AGMAT: variants seen among roughly 807,000 people sequenced by gnomAD.
AGMAT encodes the protein guanidino acid hydrolase, mitochondrial.
In AGMAT, 37 loss-of-function variants were observed where a neutral mutation model predicts 29.3. The observed-to-expected ratio is 1.26, with a 90% CI of 0.97 to 1.66. The LOEUF (loss-of-function observed/expected upper bound fraction) is 1.66. Ranked by LOEUF, AGMAT falls within the 40% of genes most tolerant of loss-of-function variation. The probability of loss-of-function intolerance (pLI) is 0.00; values close to 1 mark genes in which losing one functional copy is unlikely to be tolerated. For missense variants in AGMAT, 498 were observed against 497.8 expected, an observed-to-expected ratio of 1.00 and a Z score of 0.00; for synonymous variants, 199 against 200.8, an observed-to-expected ratio of 0.99 and a Z score of 0.08.
At chr1:15,580,037 C>G (rs1639090183) in intron 3 of AGMAT, 57 bp downstream of exon 3, 2 of 1,525,570 alleles carry the variant, frequency 1.3e-6, no homozygotes, top group Admixed American at 3.3e-5. Flanking sequence ...GCAAATAACT[C>G]ATTCCCTAGC....
At chr1:15,580,495 A>G (rs1639098104) in intron 2 of AGMAT, among the ~76,000 whole-genome samples, 1 of 151,304 alleles carries the variant, frequency 6.6e-6, no homozygotes, top group African/African-American at 2.4e-5. Context: ...ATGAGCCACC[A>G]TGCCCAGCTG....
rs1184827240 is a variant in AGMAT at position 15,573,566 on chromosome 1, CTT to C, written c.*83_*84del. ...GCAGAAAGTTTTCTTGGCATAAACTCTTTAGTTCTCAGACTGCTTACTCATAA... is the reference window on the plus strand; with the variant it reads ...GCAGAAAGTTTTCTTGGCATAAACTCTAGTTCTCAGACTGCTTACTCATAA... On this transcript the variant is annotated 3_prime_UTR_variant, in exon 7 of 7. Transcript: ENST00000375826. 4 of 1,306,678 alleles carry C rather than the reference CTT, an allele frequency of 3.1e-6. No homozygotes were observed. Among genetic ancestry groups the C allele is most frequent in the Admixed American group, 1.8e-5 (1 of 57,080 alleles). 80.9% of individuals were successfully genotyped at this position (1,306,678 alleles called of 1,614,324 possible). A position where few individuals can be genotyped will look rare whatever the true frequency, so the allele number is the denominator to read the frequency against.
chr1:15,580,401 C>T lies in AGMAT; in HGVS notation c.476-259G>A, dbSNP rs372058143. 4.6e-4 allele frequency among the ~76,000 whole-genome samples: 70 copies of T among 151,806 alleles called. No homozygotes were observed. In the East Asian group the frequency reaches 0.013, roughly 27 times the overall value. ...TGTATTTTTAGTAGAGACGGAGTTTCACCATGTTGGTCAGACTGGTCTCAA... is the reference window on the plus strand; with the variant it reads ...TGTATTTTTAGTAGAGACGGAGTTTTACCATGTTGGTCAGACTGGTCTCAA... On this transcript the variant is annotated intron_variant, in intron 2 of 6. Coordinates refer to ENST00000375826, the MANE Select transcript of AGMAT (RefSeq NM_024758.5).
chr1:15,583,538 C>G, intron 1 of AGMAT, 143 bp from the exon 2 acceptor site: 1 of 803,862 alleles, frequency 1.2e-6, no homozygotes, highest in Non-Finnish European at 1.9e-6. Context: ...AGCAGCATCC[C>G]GGCCTGTACT....
In AGMAT at chr1:15,573,479, T is replaced by C; in HGVS notation, c.*172A>G. 1.8e-6 allele frequency: 1 copy of C among 566,618 alleles called. No individual in the cohort carries two copies. The highest frequency in any genetic ancestry group is 2.5e-5 in the South Asian group (1 of 39,438). 35.1% of individuals were successfully genotyped at this position (566,618 alleles called of 1,614,324 possible). A position where few individuals can be genotyped will look rare whatever the true frequency, so the allele number is the denominator to read the frequency against. On this transcript the variant is annotated 3_prime_UTR_variant, in exon 7 of 7. Coordinates refer to ENST00000375826, the MANE Select transcript of AGMAT (RefSeq NM_024758.5). ...AATTAATCCAAGTTCCTTAGAAATG[T>C]TGCTGTTTGGGTGAGAATTCTACTG...
At chr1:15,574,922 C>G in intron 5 of AGMAT, 81 bp from the exon 6 acceptor site, 1 of 1,118,750 alleles carries the variant, frequency 8.9e-7, no homozygotes, top group Non-Finnish European at 1.3e-6. Context: ...TCCCAGCCCA[C>G]GCCACCCTTT....
chr1:15,583,123 A>G, intron 2 of AGMAT, 70 bp downstream of exon 2: 1 of 1,385,798 alleles, frequency 7.2e-7, no homozygotes, highest in South Asian at 1.2e-5. Flanking sequence ...GCTGTACTCA[A>G]GCCCCTGAGT....
In AGMAT at chr1:15,585,005, C is replaced by T. The variant is rs1262237173; in HGVS notation, c.-38G>A. On this transcript the variant is annotated 5_prime_UTR_variant, in exon 1 of 7. Transcript: ENST00000375826. ...CCAAGACCTCACCGACCAAACCGCC[C>T]GCGAGGCCGCCGCGATCTGGCTGGT... The T allele has an allele frequency of 7.8e-6, 10 of 1,278,694 alleles. No individual in the cohort carries two copies. The highest frequency in any genetic ancestry group is 9.8e-6 in the Non-Finnish European group (10 of 1,015,748). 79.2% of individuals were successfully genotyped at this position (1,278,694 alleles called of 1,614,324 possible). A position where few individuals can be genotyped will look rare whatever the true frequency, so the allele number is the denominator to read the frequency against.
At chr1:15,574,625 A>G (rs1639006027) in intron 6 of AGMAT, 132 bp downstream of exon 6, 2 of 727,686 alleles carry the variant, frequency 2.7e-6, no homozygotes, top group African/African-American at 3.5e-5. Context: ...TGAGCTGCCC[A>G]CCTTGGCCTC....
intron 2 of AGMAT, 55 bp from the exon 3 acceptor site, chr1:15,580,197 T>C: frequency 2.3e-6 from 2 of 872,620 alleles, no homozygotes; most frequent in Non-Finnish European, 3.6e-6. Flanking sequence ...TTACATAGAA[T>C]AATCTTTTTT....
At position 15,584,684 on chromosome 1, in the gene AGMAT, T is replaced by G; in HGVS notation, c.272+12A>C. On this transcript the variant is annotated intron_variant, in intron 1 of 6. Transcript: ENST00000375826. ...CTCCACGTGTACCCGGCCCCCGTCCTTCCGGCCTTACCTCGCCCCAGGCCG... is the reference window on the plus strand; with the variant it reads ...CTCCACGTGTACCCGGCCCCCGTCCGTCCGGCCTTACCTCGCCCCAGGCCG... 7.6e-7 allele frequency: 1 copy of G among 1,315,174 alleles called. No individual in the cohort carries two copies. The highest frequency in any genetic ancestry group is 9.7e-7 in the Non-Finnish European group (1 of 1,027,112). The allele number at this position is 1,315,174 out of a possible 1,614,324, so 81.5% of individuals were successfully genotyped here. A position where few individuals can be genotyped will look rare whatever the true frequency, so the allele number is the denominator to read the frequency against.
At position 15,583,702 on chromosome 1, in the gene AGMAT, T is replaced by C. The variant is rs138022556; in HGVS notation, c.273-307A>G. Among the ~76,000 whole-genome samples, 46 of 152,232 alleles carry C rather than the reference T, an allele frequency of 3.0e-4. No individual in the cohort carries two copies. In the East Asian group the frequency reaches 8.7e-3, roughly 29 times the overall value. On this transcript the variant is annotated intron_variant, in intron 1 of 6. Coordinates refer to ENST00000375826, the MANE Select transcript of AGMAT (RefSeq NM_024758.5). ...GACTAAATAAGTGTACTAAATGGCATTAGTGAATTTCATGATCTACCTGAG... is the reference window on the plus strand; with the variant it reads ...GACTAAATAAGTGTACTAAATGGCACTAGTGAATTTCATGATCTACCTGAG...
chr1:15,575,331 G>A (rs1317568910), intron 5 of AGMAT: 1 of 153,810 alleles, frequency 6.5e-6, no homozygotes, highest in Non-Finnish European at 1.4e-5. Flanking sequence ...TTCCCATCCT[G>A]CAGGTGAAAA....
chr1:15,579,996 G>T, intron 3 of AGMAT, 98 bp downstream of exon 3: 1 of 1,126,694 alleles, frequency 8.9e-7, no homozygotes, highest in Non-Finnish European at 1.4e-6. Context: ...CATAACCTGA[G>T]CCAGCAGCAG....
intron 5 of AGMAT, among the ~76,000 whole-genome samples, chr1:15,576,474 G>A (rs1231164536): frequency 1.3e-5 from 2 of 150,986 alleles, no homozygotes; most frequent in Non-Finnish European, 2.9e-5. Flanking sequence ...CTGTTGCCCA[G>A]GCTGGAGTAC....
intron 1 of AGMAT, 97 bp downstream of exon 1, chr1:15,584,599 C>A: frequency 8.2e-7 from 1 of 1,218,902 alleles, no homozygotes; most frequent in Non-Finnish European, 1.0e-6. Context: ...CAACTCGACC[C>A]GGGGCCAGCA....
chr1:15,574,584 G>C (rs1382888409), intron 6 of AGMAT, among the ~76,000 whole-genome samples, 173 bp downstream of exon 6: 1 of 151,990 alleles, frequency 6.6e-6, no homozygotes, highest in Non-Finnish European at 1.5e-5. Context: ...CGCCATGTTG[G>C]CCAAATTGGT....
At chr1:15,580,000 G>T in intron 3 of AGMAT, 94 bp downstream of exon 3, 1 of 1,165,192 alleles carries the variant, frequency 8.6e-7, no homozygotes. Context: ...ACCTGAGCCA[G>T]CAGCAGTCAC....
intron 2 of AGMAT, among the ~76,000 whole-genome samples, chr1:15,582,098 G>A (rs898704491): frequency 9.2e-5 from 14 of 151,530 alleles, no homozygotes; most frequent in East Asian, 5.9e-4. Flanking sequence ...ATGAAACCCC[G>A]TCTCTACTAA....
Sources: gnomAD v4.1 joint callset for allele counts (sites outside exome capture counted in the v4.1 genomes callset) on GRCh38, gnomAD v4.1.1 for gene constraint, MANE v1.5 for transcripts, NCBI Gene and HGNC (gene_info 2026-07-23, HGNC 2026-07-21) for gene names.